DSCAML1: variants seen among roughly 807,000 people sequenced by gnomAD.
DSCAML1 encodes the protein cell adhesion molecule DSCAML1.
Under a neutral mutation model 200.5 loss-of-function variants are expected in DSCAML1, and 38 were observed. The ratio of observed to expected loss-of-function variants is 0.19; its 90% CI spans 0.15 to 0.25. The LOEUF is 0.25. DSCAML1 is among the 10% of genes least tolerant of loss of function. DSCAML1 has a pLI of 1.00. For missense variants in DSCAML1, 2,223 were observed against 2,858.8 expected (o/e 0.78, Z 5.07); for synonymous variants, 1,215 against 1,165.0 (o/e 1.04, Z -0.87).
chr11:117,806,050 G>A (rs2055704996), intron 1 of DSCAML1, among the ~76,000 whole-genome samples: 1 of 152,204 alleles, frequency 6.6e-6, no homozygotes, highest in South Asian at 2.1e-4. Context: ...AGGCCCTGTT[G>A]CCTTCAGACT....
intron 1 of DSCAML1, among the ~76,000 whole-genome samples, chr11:117,813,813 A>G (rs1320784764): frequency 6.6e-6 from 1 of 152,086 alleles, no homozygotes; most frequent in East Asian, 1.9e-4. Flanking sequence ...TTCTGTCTCC[A>G]TACCACTCCC....
chr11:117,705,093 A>G (rs1225086073), intron 3 of DSCAML1, among the ~76,000 whole-genome samples: 1 of 152,196 alleles, frequency 6.6e-6, no homozygotes, highest in Non-Finnish European at 1.5e-5. Flanking sequence ...AGCCCCTACA[A>G]TGCAGAATCT....
rs1439239361 is a variant in DSCAML1, at chr11:117,679,338, GC to G, written c.511+97452del. Among the ~76,000 whole-genome samples, 5 of 152,220 alleles carry G rather than the reference GC, an allele frequency of 3.3e-5. No individual in the cohort carries two copies. The East Asian group carries it at 9.6e-4, about 29-fold the overall frequency. ...GGTCGGAGCTGCGGCTGTGCAGTCA[GC>G]AGCCCTTCCTCCCCAGAGAGGGTCA... is the stretch of plus-strand genomic sequence containing the variant. On this transcript the variant is annotated intron_variant, in intron 3 of 32. Coordinates refer to ENST00000651296, the MANE Select transcript of DSCAML1 (RefSeq NM_020693.4).
At chr11:117,661,364 G>A (rs1463829478) in intron 3 of DSCAML1, among the ~76,000 whole-genome samples, 2 of 152,212 alleles carry the variant, frequency 1.3e-5, no homozygotes, top group African/African-American at 4.8e-5. Context: ...AAGGGAGGAG[G>A]AAAATGGGAA....
chr11:117,788,509 T>C (rs1162455633), intron 1 of DSCAML1, among the ~76,000 whole-genome samples: 2 of 152,090 alleles, frequency 1.3e-5, no homozygotes, highest in African/African-American at 4.8e-5. Context: ...GTATTTTTAG[T>C]AGAGATGGGG....
upstream of DSCAML1, chr11:117,797,261 C>T (rs1279752701): frequency 2.0e-5 from 28 of 1,425,398 alleles, no homozygotes; most frequent in East Asian, 7.7e-4. Context: ...TCCTGTCATC[C>T]GCGGGGCTGG....
In DSCAML1 at chr11:117,437,242, C is replaced by A. The variant is rs527533395; in HGVS notation, c.4600G>T (p.Gly1534Trp). 1.2e-6 allele frequency: 2 copies of A among 1,614,232 alleles called. No homozygotes were observed. ...CGCAGTTCCGTCAGAAACACCTCCC[C>A]GGAGCTGTTGGCCCGGAGGCCCTGC... ...AWQGLRANSS[G>W]EVFLTELREA... Residue 1534 changes from glycine (G) to tryptophan (W), a missense_variant, in exon 26 of 33, where the codon GGG becomes TGG. Coordinates refer to ENST00000651296, the MANE Select transcript of DSCAML1 (RefSeq NM_020693.4). The surrounding 1 kb of genome is among the most constrained non-coding windows in gnomAD (Gnocchi z 5.3).
chr11:117,505,176 C>T lies in DSCAML1; in HGVS notation c.2063-133G>A, dbSNP rs1458601082. 4.4e-6 allele frequency: 6 copies of T among 1,367,896 alleles called. No homozygotes were observed. The highest frequency in any genetic ancestry group is 2.9e-5 in the African/African-American group (2 of 68,974). 84.7% of individuals were successfully genotyped at this position (1,367,896 alleles called of 1,614,324 possible). On this transcript the variant is annotated intron_variant, in intron 9 of 32. Transcript: ENST00000651296. The surrounding 1 kb of genome is among the most constrained non-coding windows in gnomAD (Gnocchi z 6.7). ...AGTTGGAAGCGGGCAGTTTCTGAAACCCAAGATGCTGAGAACTTTTGTTGA... is the reference window on the plus strand; with the variant it reads ...AGTTGGAAGCGGGCAGTTTCTGAAATCCAAGATGCTGAGAACTTTTGTTGA...
intron 3 of DSCAML1, among the ~76,000 whole-genome samples, chr11:117,558,948 G>T (rs544428176): frequency 6.6e-6 from 1 of 152,164 alleles, no homozygotes; most frequent in African/African-American, 2.4e-5. Flanking sequence ...AGGGCCAGGT[G>T]GTGGTGCCAA....
intron 1 of DSCAML1, among the ~76,000 whole-genome samples, chr11:117,782,930 A>G (rs1204402803): frequency 3.3e-5 from 5 of 152,104 alleles, no homozygotes; most frequent in Admixed American, 6.5e-5. Context: ...AAGTGAGGGC[A>G]CTGGGACTCA....
At chr11:117,531,961 AGG>A (rs537425190) in intron 4 of DSCAML1, among the ~76,000 whole-genome samples, 6,709 of 76,540 alleles carry the variant, frequency 0.088, 383 homozygotes, top group East Asian at 0.18. Flanking sequence ...GGAGGGAGGG[AGG>A]GAGGGACGAA....
chr11:117,530,076 G>T lies in DSCAML1; in HGVS notation c.658+2300C>A, dbSNP rs149135902. Among the ~76,000 whole-genome samples, 12 of 151,900 alleles carry T rather than the reference G, an allele frequency of 7.9e-5. 1 individual carries two copies. In the East Asian group the frequency reaches 2.1e-3, roughly 27 times the overall value. ...CCCCATGCCAATCTCTCTTTGTGCCGGGGCCTCTCTCTTGTCTGTCGGTAC... is the reference window on the plus strand; with the variant it reads ...CCCCATGCCAATCTCTCTTTGTGCCTGGGCCTCTCTCTTGTCTGTCGGTAC... On this transcript the variant is annotated intron_variant, in intron 4 of 32. Transcript: ENST00000651296.
chr11:117,512,761 TCACACACACACACA>T (rs71037482), intron 8 of DSCAML1, among the ~76,000 whole-genome samples: 48 of 113,156 alleles, frequency 4.2e-4, no homozygotes, highest in African/African-American at 1.4e-3. Context: ...TCCTCTAGGA[TCACACACACACACA>T]CACACACACA....
At chr11:117,613,370 T>A (rs1328192370) in intron 3 of DSCAML1, among the ~76,000 whole-genome samples, 1 of 152,056 alleles carries the variant, frequency 6.6e-6, no homozygotes, top group Non-Finnish European at 1.5e-5. Context: ...AGGTGAATTA[T>A]GACAACAAAG....
upstream of DSCAML1, among the ~76,000 whole-genome samples, chr11:117,799,316 G>C (rs2055635208): frequency 6.6e-6 from 1 of 152,240 alleles, no homozygotes. Context: ...AGGGGCTGCT[G>C]TCTGCTGGGA....
At chr11:117,561,384 G>A (rs1322460934) in intron 3 of DSCAML1, among the ~76,000 whole-genome samples, 3 of 152,182 alleles carry the variant, frequency 2.0e-5, no homozygotes, top group African/African-American at 4.8e-5. Context: ...TGTGCCAGAT[G>A]ACTCTTCAGA....
Position 117,559,136 on chromosome 11 carries a change from CACAA to C in DSCAML1, c.512-26618_512-26615del, listed in dbSNP as rs1268166310. On this transcript the variant is annotated intron_variant, in intron 3 of 32. Coordinates refer to ENST00000651296, the MANE Select transcript of DSCAML1 (RefSeq NM_020693.4). ...AGAAAAAGAAAGACAGAAAAACAGACACAAAGAAAGAAAGAAAAGAAAGACACCA... is the reference window on the plus strand; with the variant it reads ...AGAAAAAGAAAGACAGAAAAACAGACAGAAAGAAAGAAAAGAAAGACACCA... 1.8e-3 allele frequency among the ~76,000 whole-genome samples: 268 copies of C among 150,832 alleles called. 2 individuals carry two copies. The highest frequency in any genetic ancestry group is 6.2e-3 in the African/African-American group (257 of 41,126).
In DSCAML1 at chr11:117,776,919, G is replaced by A; in HGVS notation, c.383C>T (p.Thr128Ile). 9 of 1,614,016 alleles carry A rather than the reference G, an allele frequency of 5.6e-6. No homozygotes were observed. The highest frequency in any genetic ancestry group is 7.6e-6 in the Non-Finnish European group (9 of 1,180,042). Residue 128 changes from threonine to isoleucine, a missense_variant, in exon 3 of 33, where the codon ACC becomes ATC. This residue lies in a region of DSCAML1 where 579 missense variants were observed against 721.5 expected (regional missense o/e 0.80). Transcript: ENST00000651296. ...TGACCTTTGATCCTCCACCCGGACGGTGTAGGGTTCCCTGAAAACTGCAGA... is the reference window on the plus strand; with the variant it reads ...TGACCTTTGATCCTCCACCCGGACGATGTAGGGTTCCCTGAAAACTGCAGA... ...RVKAVFREPY[T>I]VRVEDQRSMR...
chr11:117,648,300 G>A (rs2137611958), intron 3 of DSCAML1, among the ~76,000 whole-genome samples: 1 of 152,318 alleles, frequency 6.6e-6, no homozygotes, highest in Admixed American at 6.5e-5. Flanking sequence ...GGGTGCTCCT[G>A]GGTCTCCCCA....
Sources: gnomAD v4.1 joint callset for allele counts (sites outside exome capture counted in the v4.1 genomes callset) on GRCh38, gnomAD v4.1.1 for gene constraint, gnomAD v4.1.1 regional missense constraint, Gnocchi (gnomAD v3.1) non-coding constraint, MANE v1.5 for transcripts, NCBI Gene and HGNC (gene_info 2026-07-23, HGNC 2026-07-21) for gene names.